PTPRG: variants seen among roughly 807,000 people sequenced by gnomAD.
PTPRG encodes protein tyrosine phosphatase receptor type G, also known as receptor-type tyrosine-protein phosphatase gamma.
In PTPRG, 102 loss-of-function variants were observed where a neutral mutation model predicts 165.3. The ratio of observed to expected loss-of-function variants is 0.62; its 90% CI spans 0.53 to 0.73. The LOEUF (loss-of-function observed/expected upper bound fraction) is 0.73, where lower values mean the gene tolerates loss of function less well. Among genes scored for constraint, PTPRG ranks in the 30% least tolerant of loss-of-function variants. The pLI, the probability that PTPRG is intolerant of heterozygous loss-of-function variation, is 0.00. For synonymous variants in PTPRG, 675 were observed against 669.5 expected (o/e 1.01, Z -0.13); for missense variants, 1,866 against 1,861.4 (o/e 1.00, Z -0.05).
chr3:62,215,171 C>T (rs1169044107), intron 12 of PTPRG, among the ~76,000 whole-genome samples: 1 of 152,186 alleles, frequency 6.6e-6, no homozygotes, highest in Non-Finnish European at 1.5e-5. Context: ...CAGGGGTATC[C>T]TGAGGGCTAT....
intron 1 of PTPRG, among the ~76,000 whole-genome samples, chr3:61,690,428 C>T (rs534462051): frequency 1.8e-4 from 28 of 152,262 alleles, no homozygotes; most frequent in South Asian, 4.1e-4. Context: ...TTAAATACAA[C>T]GGCTGTCTCA....
intron 3 of PTPRG, among the ~76,000 whole-genome samples, chr3:61,990,199 G>T (rs1013113742): frequency 2.0e-5 from 3 of 151,768 alleles, no homozygotes; most frequent in African/African-American, 7.3e-5. Context: ...TCCCTCAGTT[G>T]TATTAGGTAC....
intron 1 of PTPRG, among the ~76,000 whole-genome samples, chr3:61,685,044 C>G (rs1357104710): frequency 6.6e-6 from 1 of 152,212 alleles, no homozygotes; most frequent in Non-Finnish European, 1.5e-5. Flanking sequence ...CTCCCGCTCT[C>G]CTTCTTTCTT....
chr3:61,919,993 G>T lies in PTPRG; in HGVS notation c.191-69632G>T, dbSNP rs961755769. Among the ~76,000 whole-genome samples the T allele has an allele frequency of 1.3e-5, 2 of 152,172 alleles. 1 individual carries two copies. Among genetic ancestry groups the T allele is most frequent in the South Asian group, 4.1e-4 (2 of 4,832 alleles). On this transcript the variant is annotated intron_variant, in intron 2 of 29. Coordinates refer to ENST00000474889, the MANE Select transcript of PTPRG (RefSeq NM_002841.4). ...TATATGATGGTATCCAGGATTCCAG[G>T]CACTAGTTAGGAAATTTTCTTGATT...
At chr3:62,107,917 G>A (rs1211947581) in intron 5 of PTPRG, among the ~76,000 whole-genome samples, 5 of 152,104 alleles carry the variant, frequency 3.3e-5, no homozygotes, top group African/African-American at 9.7e-5. Context: ...GGAAATCTCT[G>A]CACTCTCACT....
chr3:62,279,127 A>C (rs183509926), intron 26 of PTPRG, among the ~76,000 whole-genome samples: 1 of 152,106 alleles, frequency 6.6e-6, no homozygotes, highest in East Asian at 1.9e-4. Flanking sequence ...TTTCCTAAAG[A>C]TTGATATCTC....
At chr3:61,822,370 G>A (rs530204542) in intron 2 of PTPRG, among the ~76,000 whole-genome samples, 1 of 152,292 alleles carries the variant, frequency 6.6e-6, no homozygotes, top group South Asian at 2.1e-4. Flanking sequence ...AATTTCCCTC[G>A]TGTCCCTGAC....
chr3:61,925,501 T>G (rs1007455241), intron 2 of PTPRG, among the ~76,000 whole-genome samples: 1 of 152,190 alleles, frequency 6.6e-6, no homozygotes, highest in Non-Finnish European at 1.5e-5. Context: ...GCCAGCACTT[T>G]GGGAGGCTGA....
intron 2 of PTPRG, among the ~76,000 whole-genome samples, chr3:61,808,669 C>T (rs143845666): frequency 2.1e-4 from 32 of 152,202 alleles, no homozygotes; most frequent in African/African-American, 6.0e-4. Flanking sequence ...TTGGCACATA[C>T]GTTGCACTGG....
chr3:61,585,761 T>C (rs1207289327), intron 1 of PTPRG, among the ~76,000 whole-genome samples: 1 of 152,156 alleles, frequency 6.6e-6, no homozygotes, highest in African/African-American at 2.4e-5. Flanking sequence ...GAAAACAATA[T>C]TAGGACAATA....
intron 4 of PTPRG, among the ~76,000 whole-genome samples, chr3:62,032,283 A>G (rs1374476341): frequency 6.6e-6 from 1 of 152,232 alleles, no homozygotes; most frequent in Non-Finnish European, 1.5e-5. Context: ...CCTGAAAGTC[A>G]TGTGGGGACA....
intron 2 of PTPRG, among the ~76,000 whole-genome samples, chr3:61,965,372 C>T (rs574540118): frequency 1.2e-3 from 177 of 151,876 alleles, no homozygotes; most frequent in African/African-American, 4.0e-3. Flanking sequence ...CCTGTAATCC[C>T]AGCTACTGGG....
At chr3:61,679,358 TTGG>T (rs1487129233) in intron 1 of PTPRG, among the ~76,000 whole-genome samples, 3 of 152,186 alleles carry the variant, frequency 2.0e-5, no homozygotes, top group Non-Finnish European at 2.9e-5. Flanking sequence ...TTCAGAGGAC[TTGG>T]TGGTGTTTTT....
chr3:61,608,827 G>C (rs941501938), intron 1 of PTPRG, among the ~76,000 whole-genome samples: 1 of 152,206 alleles, frequency 6.6e-6, no homozygotes, highest in African/African-American at 2.4e-5. Flanking sequence ...CTAATTCAGG[G>C]CTAGATGATG....
intron 4 of PTPRG, among the ~76,000 whole-genome samples, chr3:62,049,197 A>G (rs1295994294): frequency 1.3e-5 from 2 of 152,122 alleles, no homozygotes; most frequent in African/African-American, 4.8e-5. Flanking sequence ...TCAGTACTCA[A>G]GCTATTCCCT....
At chr3:61,588,021 T>C (rs770660340) in intron 1 of PTPRG, among the ~76,000 whole-genome samples, 10 of 152,020 alleles carry the variant, frequency 6.6e-5, no homozygotes, top group Non-Finnish European at 1.0e-4. Flanking sequence ...CCGTGTTACA[T>C]TGGGTTGTCT....
At chr3:62,193,842 C>A (rs528243646) in intron 9 of PTPRG, among the ~76,000 whole-genome samples, 1 of 152,372 alleles carries the variant, frequency 6.6e-6, no homozygotes, top group African/African-American at 2.4e-5. Context: ...TGCTTCTATA[C>A]TTGGCCCAGA....
At chr3:61,820,157 A>G (rs995762389) in intron 2 of PTPRG, among the ~76,000 whole-genome samples, 7 of 152,192 alleles carry the variant, frequency 4.6e-5, no homozygotes, top group African/African-American at 1.4e-4. Flanking sequence ...AAAGACATTT[A>G]TTATAAGGAA....
In PTPRG at chr3:62,185,256, C is replaced by T. The variant is rs1169946457; in HGVS notation, c.1034-6213C>T. On this transcript the variant is annotated intron_variant, in intron 8 of 29. Coordinates refer to ENST00000474889, the MANE Select transcript of PTPRG (RefSeq NM_002841.4). ...GGACCCCAGTGGGAACATAATCAGG[C>T]CCCTGAAAGGGGAAAGGCTGTTGTC... Among the ~76,000 whole-genome samples the T allele has an allele frequency of 2.0e-5, 3 of 152,140 alleles. No homozygotes were observed. In the East Asian group the frequency reaches 5.8e-4, roughly 29 times the overall value.
Sources: gnomAD v4.1 joint callset for allele counts (sites outside exome capture counted in the v4.1 genomes callset) on GRCh38, gnomAD v4.1.1 for gene constraint, MANE v1.5 for transcripts, NCBI Gene and HGNC (gene_info 2026-07-23, HGNC 2026-07-21) for gene names.